The following SUCLG2 variants were observed in gnomAD, a reference collection of about 807,000 sequenced individuals.
The protein encoded by SUCLG2 is succinate--CoA ligase [GDP-forming] subunit beta, mitochondrial.
In SUCLG2, 42 loss-of-function variants were observed where a neutral mutation model predicts 47.9. The ratio of observed to expected loss-of-function variants is 0.88; its 90% CI spans 0.69 to 1.14. SUCLG2 has a LOEUF of 1.14. Ranked by LOEUF, SUCLG2 falls within the 50% of genes most tolerant of loss-of-function variation. SUCLG2 has a pLI of 0.00. For missense variants in SUCLG2, 571 were observed against 525.9 expected, an observed-to-expected ratio of 1.09 and a Z score of -0.84; for synonymous variants, 195 against 197.3, an observed-to-expected ratio of 0.99 and a Z score of 0.10.
intron 4 of SUCLG2, among the ~76,000 whole-genome samples, chr3:67,526,103 T>A (rs74664012): frequency 0.011 from 1,692 of 152,302 alleles, 20 homozygotes; most frequent in Non-Finnish European, 0.018. Flanking sequence ...ATATGGCCTT[T>A]CTTGCTTCAT....
chr3:67,648,048 T>C (rs1559612073), intron 1 of SUCLG2, among the ~76,000 whole-genome samples: 3 of 152,212 alleles, frequency 2.0e-5, no homozygotes, highest in Non-Finnish European at 4.4e-5. Context: ...GAAATAATCA[T>C]CCTGGGCCCA....
At chr3:67,645,900 A>C (rs1701181967) in intron 1 of SUCLG2, among the ~76,000 whole-genome samples, 1 of 151,492 alleles carries the variant, frequency 6.6e-6, no homozygotes, top group African/African-American at 2.4e-5. Flanking sequence ...GAGTACAAGC[A>C]GAAGCTGGGG....
intron 7 of SUCLG2, among the ~76,000 whole-genome samples, chr3:67,498,613 C>G (rs187469490): frequency 6.6e-6 from 1 of 152,206 alleles, no homozygotes; most frequent in Admixed American, 6.5e-5. Context: ...AGCTTTGATT[C>G]ATTATTTTTA....
At chr3:67,493,955 A>C (rs1344780886) in intron 9 of SUCLG2, among the ~76,000 whole-genome samples, 1 of 152,206 alleles carries the variant, frequency 6.6e-6, no homozygotes. Flanking sequence ...CTGCCTTTGA[A>C]CTTCAATAAC....
At chr3:67,408,744 G>A in intron 9 of SUCLG2, 1 of 1,333,698 alleles carries the variant, frequency 7.5e-7, no homozygotes, top group Non-Finnish European at 9.6e-7. Context: ...TTTATTGAGT[G>A]TTAATTTTCC....
chr3:67,454,376 C>T (rs1043864817), intron 9 of SUCLG2, among the ~76,000 whole-genome samples: 3 of 147,666 alleles, frequency 2.0e-5, no homozygotes, highest in Non-Finnish European at 3.0e-5. Context: ...ACTTTTTTAC[C>T]TTTCAAACTA....
chr3:67,478,768 T>C (rs1704833576), intron 9 of SUCLG2, among the ~76,000 whole-genome samples: 1 of 152,182 alleles, frequency 6.6e-6, no homozygotes, highest in African/African-American at 2.4e-5. Flanking sequence ...GTACACGAGT[T>C]CCTGAGACAG....
At chr3:67,463,375 A>G (rs1431914711) in intron 9 of SUCLG2, among the ~76,000 whole-genome samples, 3 of 152,204 alleles carry the variant, frequency 2.0e-5, no homozygotes, top group Non-Finnish European at 4.4e-5. Context: ...AGCATTTCTC[A>G]GTATGGCCCA....
At chr3:67,426,315 A>C (rs894194187) in intron 9 of SUCLG2, among the ~76,000 whole-genome samples, 1 of 152,212 alleles carries the variant, frequency 6.6e-6, no homozygotes, top group Admixed American at 6.5e-5. Context: ...AAGCAAGTAA[A>C]ACAGACATAT....
downstream of SUCLG2, among the ~76,000 whole-genome samples, chr3:67,369,741 T>A (rs574461266): frequency 1.3e-5 from 2 of 152,326 alleles, no homozygotes; most frequent in South Asian, 4.1e-4. Context: ...AGACGCCCAC[T>A]GGCTTTCAGC....
chr3:67,441,514 G>C (rs1372839447), intron 9 of SUCLG2, among the ~76,000 whole-genome samples: 1 of 152,094 alleles, frequency 6.6e-6, no homozygotes, highest in Non-Finnish European at 1.5e-5. Context: ...ATACTTCTGA[G>C]ACTGCATCCC....
rs866117445 is a variant in SUCLG2 at position 67,443,444 on chromosome 3, C to G, written c.1063-42593G>C. The stretch of plus-strand genomic sequence containing the variant: ...CGCCTGCCTTGGCCTCCCAAAGTGC[C>G]GAGATTGCAGCCTCTGCCCGGCCGC... On this transcript the variant is annotated intron_variant, in intron 9 of 10. Coordinates refer to ENST00000307227, the MANE Select transcript of SUCLG2 (RefSeq NM_003848.4). Among the ~76,000 whole-genome samples, 12 of 75,294 alleles carry G rather than the reference C, an allele frequency of 1.6e-4. 5 individuals carry two copies. The South Asian group carries it at 4.4e-3, about 28-fold the overall frequency. 49.4% of individuals were successfully genotyped at this position (75,294 alleles called of 152,430 possible). A position where few individuals can be genotyped will look rare whatever the true frequency, so the allele number is the denominator to read the frequency against.
chr3:67,499,218 T>C (rs1419428242), intron 7 of SUCLG2, among the ~76,000 whole-genome samples: 1 of 152,202 alleles, frequency 6.6e-6, no homozygotes, highest in Non-Finnish European at 1.5e-5. Context: ...TTCTTTTTGG[T>C]GTGGGAGAGC....
At position 67,592,461 on chromosome 3, in the gene SUCLG2, C is replaced by T. The variant is rs976356857; in HGVS notation, c.226+16994G>A. Among the ~76,000 whole-genome samples, 8 of 152,182 alleles carry T rather than the reference C, an allele frequency of 5.3e-5. 1 individual carries two copies. Among genetic ancestry groups the T allele is most frequent in the Middle Eastern group, 6.3e-3 (2 of 316 alleles). On this transcript the variant is annotated intron_variant, in intron 2 of 10. Transcript: ENST00000307227. Reference sequence around the variant, plus strand: ...CAATCTCTCATATGATATCTCTTCACAATGTCCCTGAATTGCTATTCCCAG... The same window carrying T: ...CAATCTCTCATATGATATCTCTTCATAATGTCCCTGAATTGCTATTCCCAG...
chr3:67,517,420 C>T (rs1345589987), intron 6 of SUCLG2, among the ~76,000 whole-genome samples: 1 of 152,162 alleles, frequency 6.6e-6, no homozygotes, highest in African/African-American at 2.4e-5. Context: ...GGCCAGAGAA[C>T]ATACACACAT....
At chr3:67,548,435 G>A (rs2772471) in intron 2 of SUCLG2, among the ~76,000 whole-genome samples, 39,593 of 152,062 alleles carry the variant, frequency 0.26, 8,150 homozygotes, top group African/African-American at 0.55. Context: ...ATGCAATTCA[G>A]AGTAAGTTCC....
intron 10 of SUCLG2, among the ~76,000 whole-genome samples, chr3:67,378,326 T>A (rs553412443): frequency 6.6e-6 from 1 of 152,268 alleles, no homozygotes; most frequent in East Asian, 1.9e-4. Flanking sequence ...TGAGACTAGG[T>A]TACAAAAGCC....
intron 2 of SUCLG2, among the ~76,000 whole-genome samples, chr3:67,538,172 A>C (rs1043151574): frequency 1.3e-5 from 2 of 152,154 alleles, no homozygotes; most frequent in African/African-American, 4.8e-5. Flanking sequence ...GGTATTGCCT[A>C]GGCTTTCTTG....
intron 10 of SUCLG2, among the ~76,000 whole-genome samples, chr3:67,362,315 C>A (rs1413896748): frequency 6.6e-6 from 1 of 152,164 alleles, no homozygotes; most frequent in Non-Finnish European, 1.5e-5. Context: ...TCCCCTGGCC[C>A]CTTACGTTGG....
Sources: gnomAD v4.1 joint callset for allele counts (sites outside exome capture counted in the v4.1 genomes callset) on GRCh38, gnomAD v4.1.1 for gene constraint, MANE v1.5 for transcripts, NCBI Gene and HGNC (gene_info 2026-07-23, HGNC 2026-07-21) for gene names.